Variants in PDE1C observed in about 807,000 individuals in gnomAD.
PDE1C encodes phosphodiesterase 1C.
A neutral mutation model predicts 93.1 loss-of-function variants in PDE1C; 62 were observed. The observed-to-expected ratio is 0.67, with a 90% CI of 0.54 to 0.82. PDE1C has a LOEUF of 0.82. Ranked by LOEUF, PDE1C falls within the 40% of genes least tolerant of loss-of-function variation. The pLI is 0.00. For synonymous variants in PDE1C, 325 were observed against 310.1 expected (o/e 1.05, Z -0.50); for missense variants, 742 against 884.6 (o/e 0.84, Z 2.04).
chr7:31,905,780 A>G (rs112175234), intron 2 of PDE1C, among the ~76,000 whole-genome samples: 8 of 152,150 alleles, frequency 5.3e-5, no homozygotes, highest in African/African-American at 1.9e-4. Flanking sequence ...TAGTTCCCAT[A>G]ATCCCCATGT....
chr7:32,166,747 G>A (rs1166903827), intron 3 of PDE1C, among the ~76,000 whole-genome samples: 2 of 152,214 alleles, frequency 1.3e-5, no homozygotes, highest in Non-Finnish European at 2.9e-5. Flanking sequence ...CAGAGTGTTT[G>A]CAGGCCATAC....
chr7:32,116,602 T>TC (rs2128760487), intron 3 of PDE1C, among the ~76,000 whole-genome samples: 1 of 152,156 alleles, frequency 6.6e-6, no homozygotes, highest in South Asian at 2.1e-4. Context: ...TGTATTTTCC[T>TC]CTCCTGATTC....
At chr7:31,996,066 GAC>G (rs3078631) in intron 2 of PDE1C, among the ~76,000 whole-genome samples, 15,130 of 138,282 alleles carry the variant, frequency 0.11, 899 homozygotes, top group African/African-American at 0.18. Flanking sequence ...TACGCTTCCG[GAC>G]ACACACACAC....
intron 7 of PDE1C, among the ~76,000 whole-genome samples, chr7:31,852,159 T>C (rs1050323274): frequency 6.6e-6 from 1 of 152,222 alleles, no homozygotes; most frequent in Non-Finnish European, 1.5e-5. Context: ...GGAGAATTAT[T>C]GCCTTCTTTA....
chr7:32,070,448 T>C, upstream of PDE1C: 2 of 1,596,216 alleles, frequency 1.3e-6, no homozygotes, highest in South Asian at 1.1e-5. Context: ...GGCTGTCCCC[T>C]CCCCGTCTCC....
intron 1 of PDE1C, among the ~76,000 whole-genome samples, chr7:32,232,731 A>G (rs1401875059): frequency 1.3e-5 from 2 of 152,238 alleles, no homozygotes; most frequent in Non-Finnish European, 2.9e-5. Context: ...CATAGGCTTT[A>G]TGAACTGAGC....
At chr7:32,389,804 A>G (rs1378156432) in intron 1 of PDE1C, among the ~76,000 whole-genome samples, 2 of 152,258 alleles carry the variant, frequency 1.3e-5, no homozygotes, top group Admixed American at 1.3e-4. Flanking sequence ...AATGGGTATT[A>G]TCATATCTCC....
chr7:32,397,963 GC>G (rs1449705535), intron 1 of PDE1C, among the ~76,000 whole-genome samples: 2 of 152,084 alleles, frequency 1.3e-5, no homozygotes, highest in East Asian at 3.9e-4. Flanking sequence ...GACCATCCTG[GC>G]TAACACAGTG....
chr7:31,721,714 T>C, the PDE1C span, among the ~76,000 whole-genome samples: 1 of 152,236 alleles, frequency 6.6e-6, no homozygotes, highest in African/African-American at 2.4e-5. Flanking sequence ...TTGGACACGC[T>C]GTCATCAGGA....
intron 3 of PDE1C, among the ~76,000 whole-genome samples, chr7:32,158,027 T>TTAAAGA (rs147414398): frequency 0.1 from 15,731 of 152,144 alleles, 1,298 homozygotes; most frequent in African/African-American, 0.22. Context: ...GTAGATGAAC[T>TTAAAGA]TAAAATAATT....
intron 3 of PDE1C, among the ~76,000 whole-genome samples, chr7:32,122,607 A>G (rs1249209717): frequency 6.6e-6 from 1 of 152,234 alleles, no homozygotes; most frequent in Non-Finnish European, 1.5e-5. Flanking sequence ...CCTGCTCCTG[A>G]ATGACTCCTG....
At chr7:32,067,175 A>G (rs1795501621) in intron 1 of PDE1C, among the ~76,000 whole-genome samples, 1 of 152,198 alleles carries the variant, frequency 6.6e-6, no homozygotes, top group Non-Finnish European at 1.5e-5. Context: ...ATGCACTGTT[A>G]GTATGCTGAT....
intron 3 of PDE1C, among the ~76,000 whole-genome samples, chr7:32,134,234 A>T (rs189096573): frequency 1.2e-4 from 18 of 152,248 alleles, no homozygotes; most frequent in Admixed American, 2.0e-4. Context: ...GGAAAATAAT[A>T]AAAAAGATGC....
At chr7:31,910,160 T>C (rs1801054893) in intron 2 of PDE1C, among the ~76,000 whole-genome samples, 1 of 152,154 alleles carries the variant, frequency 6.6e-6, no homozygotes, top group Non-Finnish European at 1.5e-5. Context: ...GCAAGTTGGG[T>C]CCACCCCAGA....
chr7:32,015,710 A>G (rs1313958169), intron 2 of PDE1C, among the ~76,000 whole-genome samples: 1 of 152,178 alleles, frequency 6.6e-6, no homozygotes, highest in Non-Finnish European at 1.5e-5. Flanking sequence ...AATTTTAAAG[A>G]AAAATGACAA....
chr7:32,146,952 A>G (rs1246396255), intron 3 of PDE1C, among the ~76,000 whole-genome samples: 1 of 152,168 alleles, frequency 6.6e-6, no homozygotes, highest in Non-Finnish European at 1.5e-5. Context: ...TAATTTGGCA[A>G]TATAAATTTC....
Position 31,848,056 on chromosome 7 carries a change from C to T in PDE1C, c.892G>A (p.Glu298Lys), listed in dbSNP as rs748719132. 1.9e-6 allele frequency: 3 copies of T among 1,612,926 alleles called. No homozygotes were observed. The highest frequency in any genetic ancestry group is 2.5e-6 in the Non-Finnish European group (3 of 1,179,344). The change falls in exon 9 of 18, where the codon GAG becomes AAG. Residue 298 changes from glutamate to lysine, a missense_variant. Physicochemically the swap from Glu to Lys is moderately conservative, Grantham distance 56 (BLOSUM62 1). This residue lies in a region of PDE1C where 205 missense variants were observed against 295.3 expected (regional missense o/e 0.69). Coordinates refer to ENST00000396191, the MANE Select transcript of PDE1C (RefSeq NM_001191057.4). ...TAAGCTGCACTTAAATGGTGATTCT[C>T]CAGTACAGATCTGTCATTATACAGA... ...AILYNDRSVL[E>K]NHHLSAAYRL...
At chr7:32,388,707 A>C (rs1337166732) in intron 1 of PDE1C, among the ~76,000 whole-genome samples, 2 of 136,856 alleles carry the variant, frequency 1.5e-5, no homozygotes, top group East Asian at 4.4e-4. Context: ...AAAAAAAATT[A>C]AGACAAAAAA....
At chr7:31,895,153 CCT>C (rs1196278498) in intron 2 of PDE1C, among the ~76,000 whole-genome samples, 3 of 152,130 alleles carry the variant, frequency 2.0e-5, no homozygotes, top group Non-Finnish European at 1.5e-5. Context: ...TCAGAGGTCC[CCT>C]GTGCCCTGCA....
Sources: gnomAD v4.1 joint callset for allele counts (sites outside exome capture counted in the v4.1 genomes callset) on GRCh38, gnomAD v4.1.1 for gene constraint, gnomAD v4.1.1 regional missense constraint, MANE v1.5 for transcripts, NCBI Gene and HGNC (gene_info 2026-07-23, HGNC 2026-07-21) for gene names.